The following COCH variants were observed in gnomAD, a reference collection of about 807,000 sequenced individuals.
COCH encodes the protein cochlin.
Under a neutral mutation model 54.8 loss-of-function variants are expected in COCH, and 40 were observed. The ratio of observed to expected loss-of-function variants is 0.73; its 90% CI spans 0.57 to 0.95. COCH has a LOEUF of 0.95. COCH is among the 40% of genes least tolerant of loss of function. The probability of loss-of-function intolerance (pLI) is 0.00; values close to 1 mark genes in which losing one functional copy is unlikely to be tolerated. For missense variants in COCH, 605 were observed against 675.0 expected (o/e 0.90, Z 1.15); for synonymous variants, 256 against 237.9 (o/e 1.08, Z -0.70).
At chr14:30,893,733 T>G (rs1896054420), downstream of COCH, 1 of 152,486 alleles carries the variant, frequency 6.6e-6, no homozygotes, top group Non-Finnish European at 1.5e-5. Flanking sequence ...TGATCTACTC[T>G]TATTAGAATA....
At chr14:30,875,207 TGAG>T (rs1204969224) in intron 3 of COCH, 104 bp downstream of exon 3, 4 of 1,460,942 alleles carry the variant, frequency 2.7e-6, no homozygotes, top group Non-Finnish European at 2.8e-6. Context: ...CCCTACCGCC[TGAG>T]GAGGAAGGCG....
intron 1 of COCH, 124 bp from the exon 2 acceptor site, chr14:30,874,792 C>T (rs1654380129): frequency 1.1e-6 from 1 of 872,684 alleles, no homozygotes; most frequent in Non-Finnish European, 1.9e-6. Flanking sequence ...CCTGGAGCAG[C>T]GGGTCGTCTG....
At chr14:30,884,798 A>C (rs1227218924) in intron 9 of COCH, 142 bp downstream of exon 9, 11 of 1,328,386 alleles carry the variant, frequency 8.3e-6, no homozygotes, top group Non-Finnish European at 1.0e-5. Flanking sequence ...GCATTTGATC[A>C]TCTGAGATAA....
chr14:30,882,456 A>G (rs1895646021), intron 8 of COCH, among the ~76,000 whole-genome samples: 1 of 152,004 alleles, frequency 6.6e-6, no homozygotes, highest in African/African-American at 2.4e-5. Flanking sequence ...GAAATATTTG[A>G]CTGTATTATT....
intron 11 of COCH, among the ~76,000 whole-genome samples, chr14:30,887,582 A>G (rs537003599): frequency 1.2e-4 from 18 of 152,280 alleles, no homozygotes; most frequent in African/African-American, 4.1e-4. Flanking sequence ...TAGGCCAACA[A>G]AAAGCTAAGA....
intron 9 of COCH, chr14:30,885,114 C>T (rs928556702): frequency 1.3e-6 from 2 of 1,548,224 alleles, no homozygotes; most frequent in Middle Eastern, 1.7e-4. Flanking sequence ...GTGTTTCTAA[C>T]TGGCGATTGA....
chr14:30,885,161 A>AG (rs1051741541), intron 9 of COCH: 3 of 1,306,844 alleles, frequency 2.3e-6, no homozygotes, highest in Admixed American at 2.1e-5. Context: ...TAGGAGGTGG[A>AG]GGGGGAACTA....
At chr14:30,888,580 G>A (rs1371896021) in intron 11 of COCH, among the ~76,000 whole-genome samples, 1 of 151,978 alleles carries the variant, frequency 6.6e-6, no homozygotes, top group East Asian at 1.9e-4. Flanking sequence ...CCTGGAGTTC[G>A]AGATGAGACC....
chr14:30,894,627 T>G, downstream of COCH: 1 of 156,820 alleles, frequency 6.4e-6, no homozygotes, highest in Non-Finnish European at 1.4e-5. Flanking sequence ...TATGAAGACA[T>G]TTATGTGATG....
chr14:30,874,775 G>A (rs1895291240), intron 1 of COCH, 141 bp from the exon 2 acceptor site: 1 of 775,866 alleles, frequency 1.3e-6, no homozygotes, highest in Non-Finnish European at 2.2e-6. Flanking sequence ...ACCTAGAGGG[G>A]CGCTGGCCTG....
chr14:30,881,783 C>T (rs1895596296), intron 8 of COCH, among the ~76,000 whole-genome samples: 1 of 150,500 alleles, frequency 6.6e-6, no homozygotes, highest in African/African-American at 2.5e-5. Flanking sequence ...ACGGGGAAAC[C>T]CCGTCTCTAC....
chr14:30,890,561 A>C lies in COCH; in HGVS notation c.*770A>C, dbSNP rs1895948123. The C allele has an allele frequency of 1.0e-6, 1 of 964,972 alleles. No homozygotes were observed. Among genetic ancestry groups the C allele is most frequent in the Admixed American group, 6.2e-5 (1 of 16,254 alleles). 59.8% of individuals were successfully genotyped at this position (964,972 alleles called of 1,614,324 possible). A position where few individuals can be genotyped will look rare whatever the true frequency, so the allele number is the denominator to read the frequency against. ...AGACAAAGACATTTCAAATAACTGC[A>C]GAAAAAATATTGTAGTTTGAATATT... On this transcript the variant is annotated 3_prime_UTR_variant, in exon 12 of 12. Coordinates refer to ENST00000396618, the MANE Select transcript of COCH (RefSeq NM_004086.3).
At chr14:30,885,333 A>T in intron 9 of COCH, 61 bp from the exon 10 acceptor site, 1 of 1,379,516 alleles carries the variant, frequency 7.2e-7, no homozygotes, top group Non-Finnish European at 1.0e-6. Context: ...TGCTACAGGG[A>T]AACAGAAATG....
chr14:30,876,065 T>A (rs1472969166), intron 3 of COCH: 21 of 152,174 alleles, frequency 1.4e-4, no homozygotes, highest in Admixed American at 1.4e-3. Flanking sequence ...GGAGGGTGCT[T>A]GTCACAGGCA....
chr14:30,880,302 T>C, intron 6 of COCH, 150 bp from the exon 7 acceptor site: 1 of 1,175,494 alleles, frequency 8.5e-7, no homozygotes. Context: ...GTCATTGCTT[T>C]CCCTAGTCCA....
downstream of COCH, chr14:30,893,848 T>C (rs1421163235): frequency 1.3e-5 from 2 of 152,640 alleles, no homozygotes; most frequent in Non-Finnish European, 2.9e-5. Flanking sequence ...TTGCACTTTA[T>C]TATTCAACAC....
chr14:30,889,728 A>G lies in COCH; in HGVS notation c.1590A>G (p.Leu530=). 1 of 1,613,944 alleles carries G rather than the reference A, an allele frequency of 6.2e-7. No homozygotes were observed. The highest frequency in any genetic ancestry group is 8.5e-7 in the Non-Finnish European group (1 of 1,179,798). ...TCTTCACAAGAGAGTTCACAGGATT[A>G]GAACCAATTGTTTCTGATGTCATCA... The part of the protein sequence containing the change: ...HAFFTREFTG[L]EPIVSDVIRG... Residue 530 remains leucine, a synonymous_variant, in exon 12 of 12, where the codon TTA becomes TTG. Transcript: ENST00000396618.
intron 3 of COCH, chr14:30,875,450 G>A: frequency 1.7e-6 from 1 of 585,406 alleles, no homozygotes; most frequent in South Asian, 2.2e-5. Context: ...CCTCACCGAG[G>A]AGCGCACCAG....
At chr14:30,879,353 CTAAAT>C in intron 5 of COCH, 65 bp from the exon 6 acceptor site, 6 of 1,470,182 alleles carry the variant, frequency 4.1e-6, no homozygotes, top group Non-Finnish European at 4.7e-6. Flanking sequence ...GTAGAGAGCT[CTAAAT>C]TAGATTCATA....
Sources: gnomAD v4.1 joint callset for allele counts (sites outside exome capture counted in the v4.1 genomes callset) on GRCh38, gnomAD v4.1.1 for gene constraint, MANE v1.5 for transcripts, NCBI Gene and HGNC (gene_info 2026-07-23, HGNC 2026-07-21) for gene names.